The following RPS10 variants were observed in gnomAD, a reference collection of about 807,000 sequenced individuals.
RPS10 encodes the protein ribosomal protein S10.
Under a neutral mutation model 22.6 loss-of-function variants are expected in RPS10, and 2 were observed. That is an observed-to-expected ratio of 0.09 (90% confidence interval 0.04 to 0.28). The LOEUF (loss-of-function observed/expected upper bound fraction) is 0.28. Among genes scored for constraint, RPS10 ranks in the 10% least tolerant of loss-of-function variants. The probability of loss-of-function intolerance (pLI) is 1.00; values close to 1 mark genes in which losing one functional copy is unlikely to be tolerated. For synonymous variants in RPS10, 70 were observed against 75.9 expected, an observed-to-expected ratio of 0.92 and a Z score of 0.40; for missense variants, 137 against 222.2, an observed-to-expected ratio of 0.62 and a Z score of 2.44.
At chr6:34,421,622 TG>T in intron 4 of RPS10, 107 bp downstream of exon 4, 3 of 1,245,894 alleles carry the variant, frequency 2.4e-6, no homozygotes, top group Non-Finnish European at 2.4e-6. Flanking sequence ...GAATCTTTCC[TG>T]GTCATTTTGT....
intron 4 of RPS10, 25 bp from the exon 5 acceptor site, chr6:34,418,449 A>C: frequency 6.2e-7 from 1 of 1,614,188 alleles, no homozygotes; most frequent in South Asian, 1.1e-5. Context: ...ATCGATTTAG[A>C]ATCATCATAT....
intron 1 of RPS10, chr6:34,425,592 C>G: frequency 3.1e-6 from 1 of 317,778 alleles, no homozygotes; most frequent in Non-Finnish European, 6.2e-6. Context: ...CCATAAGGTA[C>G]GCAGGGAAGG....
intron 4 of RPS10, 99 bp downstream of exon 4, chr6:34,421,631 T>G: frequency 7.5e-7 from 1 of 1,334,360 alleles, no homozygotes; most frequent in South Asian, 1.2e-5. Context: ...CTGGTCATTT[T>G]GTCATCATCA....
chr6:34,418,172 A>G, intron 5 of RPS10, 197 bp downstream of exon 5: 1 of 1,487,484 alleles, frequency 6.7e-7, no homozygotes, highest in African/African-American at 1.4e-5. Flanking sequence ...TCTGAGACTC[A>G]TTTCAGTAAT....
intron 4 of RPS10, among the ~76,000 whole-genome samples, chr6:34,420,606 G>A (rs1383959485): frequency 6.6e-6 from 1 of 152,114 alleles, no homozygotes; most frequent in Non-Finnish European, 1.5e-5. Flanking sequence ...ATGGTACTCA[G>A]GTCAAGTGGT....
At chr6:34,423,291 C>T (rs1036454900) in intron 3 of RPS10, among the ~76,000 whole-genome samples, 5 of 151,986 alleles carry the variant, frequency 3.3e-5, no homozygotes, top group African/African-American at 9.7e-5. Flanking sequence ...TGTGCACCAC[C>T]ATGCCTGGCT....
chr6:34,418,758 G>A (rs1398446045), intron 4 of RPS10, among the ~76,000 whole-genome samples: 1 of 152,124 alleles, frequency 6.6e-6, no homozygotes, highest in Non-Finnish European at 1.5e-5. Flanking sequence ...GAACTAACAT[G>A]TAAAGGGAAG....
chr6:34,423,151 T>C (rs1765825159), intron 3 of RPS10, among the ~76,000 whole-genome samples: 4 of 152,018 alleles, frequency 2.6e-5, no homozygotes, highest in South Asian at 4.1e-4. Context: ...CCGGAGTCCA[T>C]ATGATTAGAA....
intron 4 of RPS10, among the ~76,000 whole-genome samples, chr6:34,420,811 C>T (rs1409293415): frequency 6.6e-6 from 1 of 151,816 alleles, no homozygotes; most frequent in East Asian, 2.0e-4. Flanking sequence ...TCCAGACCAT[C>T]CTGGCTAACA....
chr6:34,418,276 C>A (rs1460729912), intron 5 of RPS10, 93 bp downstream of exon 5: 2 of 1,603,562 alleles, frequency 1.2e-6, no homozygotes, highest in East Asian at 4.5e-5. Context: ...CAGGACCCAC[C>A]CATACTATAT....
chr6:34,425,449 A>G, intron 1 of RPS10: 1 of 544,328 alleles, frequency 1.8e-6, no homozygotes, highest in East Asian at 3.4e-5. Flanking sequence ...ATAGTGGTGC[A>G]CATTCGCGCC....
At position 34,421,583 on chromosome 6, in the gene RPS10, T is replaced by C. The variant is rs16889754; in HGVS notation, c.400+147A>G. ...AGAAAGAAGCACAAAGGACTCCAGCTGTTCTGATGCTCTGCAGAGTGAAAC... is the reference window on the plus strand; with the variant it reads ...AGAAAGAAGCACAAAGGACTCCAGCCGTTCTGATGCTCTGCAGAGTGAAAC... On this transcript the variant is annotated intron_variant, in intron 4 of 5. Coordinates refer to ENST00000648437, the MANE Select transcript of RPS10 (RefSeq NM_001014.5). The C allele has an allele frequency of 0.024, 20,075 of 836,162 alleles. 374 individuals carry two copies. The highest frequency in any genetic ancestry group is 0.075 in the African/African-American group (4,506 of 59,888). The allele number at this position is 836,162 out of a possible 1,614,324, so 51.8% of individuals were successfully genotyped here.
At chr6:34,424,145 A>AAAAAAAAAAAAAG (rs1765867910) in intron 3 of RPS10, 1 of 139,600 alleles carries the variant, frequency 7.2e-6, no homozygotes, top group South Asian at 2.2e-4. Flanking sequence ...TCCGTTAAAA[A>AAAAAAAAAAAAAG]AAAAAAAAAA....
At chr6:34,423,647 G>A (rs940689215) in intron 3 of RPS10, among the ~76,000 whole-genome samples, 9 of 152,304 alleles carry the variant, frequency 5.9e-5, no homozygotes, top group African/African-American at 2.2e-4. Flanking sequence ...CACTTTGGGA[G>A]GCTGAGGTGG....
At chr6:34,418,476 G>A (rs562137217) in intron 4 of RPS10, 52 bp from the exon 5 acceptor site, 1 of 1,613,090 alleles carries the variant, frequency 6.2e-7, no homozygotes, top group African/African-American at 1.3e-5. Flanking sequence ...ATCTACTATA[G>A]AACAAGGGAA....
chr6:34,417,829 C>T (rs1212851597), intron 5 of RPS10: 1 of 718,598 alleles, frequency 1.4e-6, no homozygotes, highest in Non-Finnish European at 2.6e-6. Flanking sequence ...CAGGATTGGA[C>T]CGTTTCTACT....
chr6:34,425,000 C>CCCATT, intron 2 of RPS10, 72 bp downstream of exon 2: 1 of 1,610,628 alleles, frequency 6.2e-7, no homozygotes, highest in Admixed American at 1.7e-5. Context: ...ATCCCTCCAT[C>CCCATT]CCATTCCATC....
chr6:34,423,793 T>A (rs935031054), intron 3 of RPS10, among the ~76,000 whole-genome samples: 4 of 151,980 alleles, frequency 2.6e-5, no homozygotes, highest in African/African-American at 9.7e-5. Context: ...GAGACAGAAT[T>A]GATTGAACCT....
intron 3 of RPS10, 121 bp downstream of exon 3, chr6:34,424,548 A>C: frequency 7.3e-7 from 1 of 1,361,626 alleles, no homozygotes. Context: ...AGGTTCTAGC[A>C]CTTGACCAAA....
Sources: allele counts gnomAD v4.1 joint callset (sites outside exome capture counted in the v4.1 genomes callset), GRCh38; gene constraint gnomAD v4.1.1; transcripts MANE v1.5; gene names NCBI Gene and HGNC (gene_info 2026-07-23, HGNC 2026-07-21).